Variants in GTF3C5 observed in about 807,000 individuals in gnomAD.
The protein encoded by GTF3C5 is general transcription factor 3C polypeptide 5.
Under a neutral mutation model 61.0 loss-of-function variants are expected in GTF3C5, and 47 were observed. That is an observed-to-expected ratio of 0.77 (90% confidence interval 0.61 to 0.98). The LOEUF is 0.98. Among genes scored for constraint, GTF3C5 ranks in the 50% least tolerant of loss-of-function variants. The pLI is 0.00. For synonymous variants in GTF3C5, 295 were observed against 275.4 expected, an observed-to-expected ratio of 1.07 and a Z score of -0.71; for missense variants, 659 against 703.3, an observed-to-expected ratio of 0.94 and a Z score of 0.71.
chr9:133,037,157 T>C (rs1849885646), intron 1 of GTF3C5, among the ~76,000 whole-genome samples: 1 of 152,182 alleles, frequency 6.6e-6, no homozygotes, highest in Admixed American at 6.5e-5. Flanking sequence ...GATCTTTCCA[T>C]TCGCAAGCAA....
Position 133,054,361 on chromosome 9 carries a change from GAC to G in GTF3C5, c.989-46_989-45del, listed in dbSNP as rs760427976. The G allele has an allele frequency of 5.3e-6, 8 of 1,500,432 alleles. No homozygotes were observed. The Admixed American group carries it at 1.3e-4, about 25-fold the overall frequency. The allele number at this position is 1,500,432 out of a possible 1,614,324, so 92.9% of individuals were successfully genotyped here. ...CAGTGTGAAGCCAGTGTTGTGTGCC[GAC>G]GGGCCCTGTGCCCGCCCACCTGACT... On this transcript the variant is annotated intron_variant, in intron 6 of 10. Transcript: ENST00000372097.
Position 133,031,080 on chromosome 9 carries a change from C to A in GTF3C5, c.69C>A (p.Arg23=). The change falls in exon 1 of 11, where the codon CGC becomes CGA. Residue 23 remains arginine (R), a synonymous_variant. Coordinates refer to ENST00000372097, the MANE Select transcript of GTF3C5 (RefSeq NM_012087.4). ...AVPVELRRER[R]MVCVEYPGVV... ...CCGTGGAGCTGAGGCGGGAGCGACG[C>A]ATGGTGTGCGTGGAGTACCCGGGAG... The A allele has an allele frequency of 6.2e-7, 1 of 1,610,314 alleles. No individual in the cohort carries two copies. Among genetic ancestry groups the A allele is most frequent in the Non-Finnish European group, 8.5e-7 (1 of 1,178,092 alleles).
At chr9:133,053,495 G>A (rs1365812551) in intron 5 of GTF3C5, among the ~76,000 whole-genome samples, 1 of 152,194 alleles carries the variant, frequency 6.6e-6, no homozygotes, top group Non-Finnish European at 1.5e-5. Flanking sequence ...TGAGGTAGGA[G>A]GATCACTTGA....
chr9:133,042,951 C>T (rs185854132), intron 2 of GTF3C5, among the ~76,000 whole-genome samples: 33 of 152,272 alleles, frequency 2.2e-4, no homozygotes, highest in Admixed American at 6.5e-4. Context: ...GTGAAGATTC[C>T]GGGAGGCAAT....
chr9:133,050,724 C>A (rs939276409), intron 3 of GTF3C5, 59 bp from the exon 4 acceptor site: 2 of 1,316,990 alleles, frequency 1.5e-6, no homozygotes, highest in Non-Finnish European at 2.1e-6. Flanking sequence ...TGGTCTGGCC[C>A]AGCGGGTGCC....
At chr9:133,041,384 C>G (rs1203190428) in intron 1 of GTF3C5, among the ~76,000 whole-genome samples, 2 of 152,190 alleles carry the variant, frequency 1.3e-5, no homozygotes, top group Non-Finnish European at 2.9e-5. Context: ...CTGGCTCTGC[C>G]TTTTAGATAG....
chr9:133,031,018 GC>G lies in GTF3C5; in HGVS notation c.8del (p.Ala3GlyfsTer16). 1 of 1,612,150 alleles carries G rather than the reference GC, an allele frequency of 6.2e-7. No homozygotes were observed. Among genetic ancestry groups the G allele is most frequent in the Non-Finnish European group, 8.5e-7 (1 of 1,179,142 alleles). On this transcript the variant is annotated frameshift_variant, in exon 1 of 11. Coordinates refer to ENST00000372097, the MANE Select transcript of GTF3C5 (RefSeq NM_012087.4). LOFTEE classifies it high-confidence loss of function. Reference protein sequence around the residue: MAAEAADLGLGAA... With the variant: MAXEAADLGLGAA... ...CCCTGCCAGACGCACAGGGATGGCG[GC>G]GGAGGCGGCCGATTTGGGGCTGGGG...
chr9:133,044,142 C>A, intron 3 of GTF3C5: 2 of 176,272 alleles, frequency 1.1e-5, no homozygotes, highest in Non-Finnish European at 1.0e-5. Context: ...GAGACTTTGT[C>A]TCCCAAAAAA....
intron 8 of GTF3C5, 186 bp downstream of exon 8, chr9:133,054,995 G>A: frequency 6.4e-7 from 1 of 1,551,736 alleles, no homozygotes; most frequent in South Asian, 1.2e-5. Flanking sequence ...CCCCAGGGCT[G>A]TGTGTGTTGG....
intron 1 of GTF3C5, among the ~76,000 whole-genome samples, chr9:133,040,286 C>G (rs981247397): frequency 6.6e-6 from 1 of 152,208 alleles, no homozygotes; most frequent in Non-Finnish European, 1.5e-5. Context: ...AGTTCCTGAT[C>G]ACTTCCTAAG....
rs1161679907 is a variant in GTF3C5, at chr9:133,042,198, A to G, written c.265A>G (p.Arg89Gly). The change falls in exon 2 of 11, where the codon AGG becomes GGG. Residue 89 changes from arginine (R) to glycine (G), a missense_variant. Transcript: ENST00000372097. Reference protein sequence around the residue: ...FSTSSLLLRIRKRTRRQKGVL... With the variant: ...FSTSSLLLRIGKRTRRQKGVL... ...TACCAGCAGCCTGCTGCTCCGCATC[A>G]GGAAGAGAACGAGGCGGCAGAAAGG... The G allele has an allele frequency of 3.7e-6, 6 of 1,614,028 alleles. No homozygotes were observed. Among genetic ancestry groups the G allele is most frequent in the Non-Finnish European group, 5.1e-6 (6 of 1,179,822 alleles).
At chr9:133,043,341 G>A (rs1850093428) in intron 2 of GTF3C5, among the ~76,000 whole-genome samples, 1 of 152,176 alleles carries the variant, frequency 6.6e-6, no homozygotes, top group African/African-American at 2.4e-5. Context: ...AGCCTCACCT[G>A]GGAGCTTGGT....
At chr9:133,048,390 G>A (rs1850266874) in intron 3 of GTF3C5, among the ~76,000 whole-genome samples, 1 of 152,150 alleles carries the variant, frequency 6.6e-6, no homozygotes, top group Non-Finnish European at 1.5e-5. Flanking sequence ...CCAGCTATTT[G>A]GGAGGCTGAG....
At chr9:133,057,012 GCAT>G in intron 10 of GTF3C5, 104 bp downstream of exon 10, 2 of 1,117,038 alleles carry the variant, frequency 1.8e-6, no homozygotes, top group Non-Finnish European at 2.5e-6. Flanking sequence ...CACCCAGGTG[GCAT>G]CATCTTGCCC....
chr9:133,054,202 G>C (rs1207344049), intron 6 of GTF3C5, among the ~76,000 whole-genome samples: 1 of 152,238 alleles, frequency 6.6e-6, no homozygotes, highest in Non-Finnish European at 1.5e-5. Flanking sequence ...TGTGATGCAG[G>C]CCAGGCACTT....
chr9:133,056,687 C>G, intron 9 of GTF3C5, 79 bp from the exon 10 acceptor site: 4 of 1,407,050 alleles, frequency 2.8e-6, no homozygotes, highest in Non-Finnish European at 3.8e-6. Flanking sequence ...AGCTCTGCCT[C>G]TGGCAAAAAC....
chr9:133,039,710 A>G (rs1849983025), intron 1 of GTF3C5, among the ~76,000 whole-genome samples: 1 of 152,212 alleles, frequency 6.6e-6, no homozygotes, highest in Non-Finnish European at 1.5e-5. Context: ...ATCTTGCTAA[A>G]TGAGCCACCA....
chr9:133,033,063 C>G (rs1849771980), intron 1 of GTF3C5, among the ~76,000 whole-genome samples: 1 of 152,170 alleles, frequency 6.6e-6, no homozygotes, highest in Non-Finnish European at 1.5e-5. Flanking sequence ...TGATAGCATT[C>G]CTAGTATAAT....
rs369889499 is a variant in GTF3C5, at chr9:133,054,459, A to G, written c.1040A>G (p.Tyr347Cys). The G allele has an allele frequency of 4.5e-5, 72 of 1,614,038 alleles. No homozygotes were observed. Among genetic ancestry groups the G allele is most frequent in the Non-Finnish European group, 5.9e-6 (7 of 1,180,026 alleles). ...AAAGCAAAGCGCAGCACCTACAACT[A>G]CAGCCTCCCCATCACCGTCAAGAAG... ...PVKAKRSTYNYSLPITVKKTS... is the reference protein window; with the variant it reads ...PVKAKRSTYNCSLPITVKKTS... The change falls in exon 7 of 11, where the codon TAC becomes TGC. Residue 347 changes from tyrosine (Y) to cysteine (C), a missense_variant. By Grantham distance (194) the Tyr-to-Cys change is radical (BLOSUM62 -2). Coordinates refer to ENST00000372097, the MANE Select transcript of GTF3C5 (RefSeq NM_012087.4).
Sources: gnomAD v4.1 joint callset for allele counts (sites outside exome capture counted in the v4.1 genomes callset) on GRCh38, gnomAD v4.1.1 for gene constraint, MANE v1.5 for transcripts, NCBI Gene and HGNC (gene_info 2026-07-23, HGNC 2026-07-21) for gene names.